The following UBAC1 variants were observed in gnomAD, a reference collection of about 807,000 sequenced individuals.
UBAC1 encodes the protein UBA domain containing 1.
In UBAC1, 27 loss-of-function variants were observed where a neutral mutation model predicts 45.9. That is an observed-to-expected ratio of 0.59 (90% confidence interval 0.43 to 0.81). UBAC1 has a LOEUF of 0.81. UBAC1 is among the 30% of genes least tolerant of loss of function. The probability of loss-of-function intolerance (pLI) is 0.00; values close to 1 mark genes in which losing one functional copy is unlikely to be tolerated. For synonymous variants in UBAC1, 227 were observed against 215.5 expected (o/e 1.05, Z -0.47); for missense variants, 529 against 539.2 (o/e 0.98, Z 0.19).
At chr9:135,939,210 TA>T (rs71384034) in intron 8 of UBAC1, among the ~76,000 whole-genome samples, 1,459 of 136,116 alleles carry the variant, frequency 0.011, 16 homozygotes, top group African/African-American at 0.028. Flanking sequence ...CCAAAAAAAT[TA>T]AAAAAAAAAA....
intron 3 of UBAC1, among the ~76,000 whole-genome samples, chr9:135,952,056 T>C (rs1464680154): frequency 2.0e-5 from 3 of 152,228 alleles, no homozygotes; most frequent in Admixed American, 6.5e-5. Flanking sequence ...CTGTGAATGC[T>C]GCCTGCAGCA....
intron 1 of UBAC1, among the ~76,000 whole-genome samples, chr9:135,956,963 G>A (rs895577484): frequency 1.3e-5 from 2 of 152,190 alleles, no homozygotes; most frequent in East Asian, 1.9e-4. Context: ...AGGACAGGCC[G>A]TCCTCGGACG....
chr9:135,944,700 T>C (rs577856163), intron 7 of UBAC1, among the ~76,000 whole-genome samples: 2 of 152,270 alleles, frequency 1.3e-5, no homozygotes, highest in African/African-American at 4.8e-5. Flanking sequence ...GGGGGGCTTG[T>C]GGATGAGTGG....
At chr9:135,938,521 G>A (rs1474101169) in intron 8 of UBAC1, among the ~76,000 whole-genome samples, 161 bp from the exon 9 acceptor site, 7 of 152,280 alleles carry the variant, frequency 4.6e-5, no homozygotes, top group Non-Finnish European at 7.3e-5. Flanking sequence ...GACAAACGCA[G>A]TCTGGATTCA....
intron 7 of UBAC1, among the ~76,000 whole-genome samples, chr9:135,944,006 C>G (rs925285812): frequency 6.6e-6 from 1 of 152,190 alleles, no homozygotes; most frequent in African/African-American, 2.4e-5. Flanking sequence ...TGAAAAATAG[C>G]TAGTGCATGC....
chr9:135,953,740 CAAT>C lies in UBAC1; in HGVS notation c.270_272del (p.Leu91del), dbSNP rs1360500702. The C allele has an allele frequency of 1.9e-6, 3 of 1,613,828 alleles. No individual in the cohort carries two copies. The highest frequency in any genetic ancestry group is 2.5e-6 in the Non-Finnish European group (3 of 1,179,842). On this transcript the variant is annotated inframe_deletion, in exon 3 of 10. Coordinates refer to ENST00000371756, the MANE Select transcript of UBAC1 (RefSeq NM_016172.3). ...GTGGTGATGGAGCACGCTTTTTTAT[CAAT>C]AATAGGACATCTAGAAAAAACAACA...
chr9:135,950,383 C>T (rs1839393945), intron 3 of UBAC1, among the ~76,000 whole-genome samples: 1 of 152,178 alleles, frequency 6.6e-6, no homozygotes, highest in Non-Finnish European at 1.5e-5. Context: ...GATGCGCAGG[C>T]CAGAGGGATC....
rs1839336064 is a variant in UBAC1, at chr9:135,946,377, G to A, written c.442-6C>T. 6.3e-7 allele frequency: 1 copy of A among 1,596,024 alleles called. No individual in the cohort carries two copies. The highest frequency in any genetic ancestry group is 1.1e-5 in the South Asian group (1 of 90,602). On this transcript the variant is annotated splice_polypyrimidine_tract_variant and splice_region_variant and intron_variant, in intron 4 of 9. Coordinates refer to ENST00000371756, the MANE Select transcript of UBAC1 (RefSeq NM_016172.3). ...TTCCGGAGTTCTGTCTGGAACTGTG[G>A]TGAAAAAAAAGGAGATCAATTCTCT...
chr9:135,938,805 G>A lies in UBAC1; in HGVS notation c.964-445C>T, dbSNP rs997841219. ...GTGAGCCACGAACTCCACTGGCACG[G>A]GGGATGGTGGGGGGGGGATGTGGGC... On this transcript the variant is annotated intron_variant, in intron 8 of 9. Transcript: ENST00000371756. Among the ~76,000 whole-genome samples, 16 of 150,538 alleles carry A rather than the reference G, an allele frequency of 1.1e-4. 1 individual carries two copies. The highest frequency in any genetic ancestry group is 2.4e-4 in the Non-Finnish European group (16 of 66,888).
At chr9:135,960,950 G>C (rs956732891) in intron 1 of UBAC1, 75 bp downstream of exon 1, 2 of 1,354,774 alleles carry the variant, frequency 1.5e-6, no homozygotes, top group African/African-American at 1.5e-5. Context: ...GGGGCGGTTC[G>C]GGGACTGAGG....
chr9:135,953,775 T>G, intron 2 of UBAC1, 22 bp from the exon 3 acceptor site: 1 of 1,603,722 alleles, frequency 6.2e-7, no homozygotes, highest in Non-Finnish European at 8.5e-7. Flanking sequence ...AACACGTATA[T>G]CCAACACACT....
intron 3 of UBAC1, among the ~76,000 whole-genome samples, chr9:135,953,216 G>A (rs543166086): frequency 3.0e-4 from 45 of 152,358 alleles, no homozygotes; most frequent in African/African-American, 1.1e-3. Flanking sequence ...TGCCGGGAGA[G>A]AGAACCCCTT....
rs956054636 is a variant in UBAC1 at position 135,957,570 on chromosome 9, A to G, written c.139-2155T>C. ...GTATGGCAGCAAAAAAGCCCCAACCAAGGCCGCTGGAGTAGGGAGGCCCTC... is the reference window on the plus strand; with the variant it reads ...GTATGGCAGCAAAAAAGCCCCAACCGAGGCCGCTGGAGTAGGGAGGCCCTC... On this transcript the variant is annotated intron_variant, in intron 1 of 9. Coordinates refer to ENST00000371756, the MANE Select transcript of UBAC1 (RefSeq NM_016172.3). 4.6e-5 allele frequency among the ~76,000 whole-genome samples: 7 copies of G among 151,944 alleles called. No individual in the cohort carries two copies. The East Asian group carries it at 5.8e-4, about 13-fold the overall frequency.
At chr9:135,952,665 G>T (rs1468153277) in intron 3 of UBAC1, among the ~76,000 whole-genome samples, 1 of 152,240 alleles carries the variant, frequency 6.6e-6, no homozygotes, top group African/African-American at 2.4e-5. Context: ...AAGACAGGCA[G>T]AACTCAGCCT....
Position 135,939,709 on chromosome 9 carries a change from A to G in UBAC1, c.927T>C (p.Asp309=), listed in dbSNP as rs772654331. ...EMGFDEKEVI[D]ALRVNNNQQN... ...GCTGGTTGTTGTTCACTCTGAGGGC[A>G]TCTATCACCTCTTTCTCGTCGAACC... Residue 309 remains aspartate, a synonymous_variant, in exon 8 of 10, where the codon GAT becomes GAC. Coordinates refer to ENST00000371756, the MANE Select transcript of UBAC1 (RefSeq NM_016172.3). 1 of 1,614,072 alleles carries G rather than the reference A, an allele frequency of 6.2e-7. No homozygotes were observed. Among genetic ancestry groups the G allele is most frequent in the Admixed American group, 1.7e-5 (1 of 60,026 alleles).
At chr9:135,939,621 C>T in intron 8 of UBAC1, 52 bp downstream of exon 8, 1 of 1,561,668 alleles carries the variant, frequency 6.4e-7, no homozygotes, top group Non-Finnish European at 8.8e-7. Flanking sequence ...CTTACCACAG[C>T]CCACACTCAC....
chr9:135,942,680 C>T (rs892084985), intron 7 of UBAC1, among the ~76,000 whole-genome samples: 1 of 150,252 alleles, frequency 6.7e-6, no homozygotes, highest in African/African-American at 2.4e-5. Context: ...GAAACTTTTA[C>T]ATGCAGAGCT....
chr9:135,936,839 A>G (rs973154603), intron 9 of UBAC1, among the ~76,000 whole-genome samples: 6 of 152,280 alleles, frequency 3.9e-5, no homozygotes, highest in Middle Eastern at 3.4e-3. Context: ...AAATACAGAC[A>G]CACTGAAGGA....
intron 1 of UBAC1, among the ~76,000 whole-genome samples, chr9:135,957,703 G>C (rs1180411911): frequency 6.6e-6 from 1 of 151,466 alleles, no homozygotes; most frequent in Non-Finnish European, 1.5e-5. Context: ...ATGCGATCTA[G>C]GAAATGGAAA....
Sources: allele counts gnomAD v4.1 joint callset (sites outside exome capture counted in the v4.1 genomes callset), GRCh38; gene constraint gnomAD v4.1.1; transcripts MANE v1.5; gene names NCBI Gene and HGNC (gene_info 2026-07-23, HGNC 2026-07-21).